Variants in GALNT17 observed in about 807,000 individuals in gnomAD.
GALNT17 encodes the protein UDP-GalNAc:polypeptide N-acetylgalactosaminyltransferase-like 3.
GALNT17 carries 29 observed loss-of-function variants against 63.7 expected under a neutral mutation model. That is an observed-to-expected ratio of 0.46 (90% CI 0.34 to 0.62). GALNT17 has a LOEUF of 0.62. Ranked by LOEUF, GALNT17 falls within the 20% of genes least tolerant of loss-of-function variation. The pLI is 0.01. For missense variants in GALNT17, 603 were observed against 799.6 expected (o/e 0.75, Z 2.97); for synonymous variants, 305 against 318.3 (o/e 0.96, Z 0.45).
At chr7:71,623,056 A>G (rs1790319816) in intron 6 of GALNT17, among the ~76,000 whole-genome samples, 1 of 152,150 alleles carries the variant, frequency 6.6e-6, no homozygotes, top group African/African-American at 2.4e-5. Flanking sequence ...GCCACTTGCC[A>G]TCTCCTGGGT....
intron 5 of GALNT17, among the ~76,000 whole-genome samples, chr7:71,458,317 C>T (rs1476947844): frequency 1.3e-5 from 2 of 152,154 alleles, no homozygotes; most frequent in Admixed American, 6.5e-5. Flanking sequence ...GCTGCAGGGG[C>T]ATGGCTTGTC....
At chr7:71,170,701 T>C (rs1270885544) in intron 1 of GALNT17, among the ~76,000 whole-genome samples, 1 of 152,122 alleles carries the variant, frequency 6.6e-6, no homozygotes, top group East Asian at 1.9e-4. Context: ...GTGTTTGTCC[T>C]GATAAGGGAT....
At chr7:71,438,824 T>C (rs971279886) in intron 5 of GALNT17, among the ~76,000 whole-genome samples, 2 of 152,122 alleles carry the variant, frequency 1.3e-5, no homozygotes, top group African/African-American at 4.8e-5. Flanking sequence ...AACCTGATCA[T>C]TGGATTATCA....
intron 5 of GALNT17, among the ~76,000 whole-genome samples, chr7:71,431,322 C>T (rs112762953): frequency 0.035 from 5,234 of 150,934 alleles, 137 homozygotes; most frequent in Non-Finnish European, 0.057. Context: ...GTGATTCTCC[C>T]GCCTCAGCCT....
chr7:71,461,643 AAGTC>A (rs1787452041), intron 5 of GALNT17, among the ~76,000 whole-genome samples: 1 of 152,142 alleles, frequency 6.6e-6, no homozygotes, highest in African/African-American at 2.4e-5. Flanking sequence ...TTAACATAAA[AAGTC>A]AGAAATGAGA....
chr7:71,370,223 T>C (rs2707446), intron 2 of GALNT17, among the ~76,000 whole-genome samples: 6,717 of 152,288 alleles, frequency 0.044, 522 homozygotes, highest in African/African-American at 0.15. Flanking sequence ...TTTTAGTCAT[T>C]GTATGTTTAA....
chr7:71,529,077 G>A (rs1235970237), intron 5 of GALNT17, among the ~76,000 whole-genome samples: 3 of 152,120 alleles, frequency 2.0e-5, no homozygotes, highest in African/African-American at 7.2e-5. Context: ...AGAGGTTGCA[G>A]TGAGCTGAGA....
chr7:71,424,890 T>C (rs961875124), intron 5 of GALNT17, among the ~76,000 whole-genome samples: 3 of 152,222 alleles, frequency 2.0e-5, no homozygotes, highest in African/African-American at 7.2e-5. Context: ...AGTCTTTAGA[T>C]ACTGAGACTT....
chr7:71,137,655 A>G (rs1206553179), intron 1 of GALNT17, among the ~76,000 whole-genome samples: 1 of 152,158 alleles, frequency 6.6e-6, no homozygotes, highest in Non-Finnish European at 1.5e-5. Flanking sequence ...CTAGAGAGAC[A>G]GTGTGAGGAA....
intron 5 of GALNT17, among the ~76,000 whole-genome samples, chr7:71,528,110 G>A (rs1788655124): frequency 1.3e-5 from 2 of 152,162 alleles, no homozygotes; most frequent in South Asian, 2.1e-4. Context: ...ATTATCGAAT[G>A]CCTTTGGTTT....
chr7:71,686,590 A>G (rs1791362937), intron 9 of GALNT17, among the ~76,000 whole-genome samples: 1 of 150,904 alleles, frequency 6.6e-6, no homozygotes, highest in African/African-American at 2.4e-5. Context: ...GGATCTCACT[A>G]TGTTGCCCAG....
chr7:71,495,911 T>G (rs951783439), intron 5 of GALNT17, among the ~76,000 whole-genome samples: 4 of 152,136 alleles, frequency 2.6e-5, no homozygotes, highest in African/African-American at 9.7e-5. Flanking sequence ...CCAGGGCAGA[T>G]GTAAATGATG....
intron 1 of GALNT17, among the ~76,000 whole-genome samples, chr7:71,265,118 A>ATATATATTTTTTTT (rs1390488895): frequency 1.9e-4 from 7 of 37,450 alleles, no homozygotes; most frequent in African/African-American, 2.1e-4. Context: ...ATATATATAT[A>ATATATATTTTTTTT]TTTTTTTTTT....
At chr7:71,206,164 T>A (rs1488538261) in intron 1 of GALNT17, among the ~76,000 whole-genome samples, 1 of 148,092 alleles carries the variant, frequency 6.8e-6, no homozygotes, top group Admixed American at 6.8e-5. Context: ...ATATATAAAA[T>A]ATATATATTT....
At chr7:71,509,132 C>T (rs554937376) in intron 5 of GALNT17, among the ~76,000 whole-genome samples, 83 of 152,272 alleles carry the variant, frequency 5.5e-4, no homozygotes, top group Middle Eastern at 3.4e-3. Context: ...CTTCGAGTAC[C>T]CATCCAACCA....
chr7:71,157,447 C>T (rs568360657), intron 1 of GALNT17, among the ~76,000 whole-genome samples: 123 of 151,828 alleles, frequency 8.1e-4, no homozygotes, highest in Non-Finnish European at 1.3e-3. Flanking sequence ...CACCTGAGGT[C>T]GGGAGTTCGA....
intron 2 of GALNT17, among the ~76,000 whole-genome samples, chr7:71,357,387 G>A (rs950463119): frequency 1.3e-5 from 2 of 152,090 alleles, no homozygotes; most frequent in Non-Finnish European, 2.9e-5. Context: ...GATCTGAGGT[G>A]GAGCAGTCTC....
intron 5 of GALNT17, among the ~76,000 whole-genome samples, chr7:71,557,203 CTTTTCAT>C (rs1244781323): frequency 6.6e-6 from 1 of 151,972 alleles, no homozygotes; most frequent in East Asian, 1.9e-4. Flanking sequence ...TAATTACTTT[CTTTTCAT>C]TTTGTTTTAT....
intron 3 of GALNT17, among the ~76,000 whole-genome samples, chr7:71,393,426 G>C (rs1351807117): frequency 6.6e-6 from 1 of 152,168 alleles, no homozygotes; most frequent in Admixed American, 6.5e-5. Context: ...AGACTAACCA[G>C]AGGCAACTGC....
Sources: gnomAD v4.1 joint callset for allele counts (sites outside exome capture counted in the v4.1 genomes callset) on GRCh38, gnomAD v4.1.1 for gene constraint, MANE v1.5 for transcripts, NCBI Gene and HGNC (gene_info 2026-07-23, HGNC 2026-07-21) for gene names.